Variants in CEP128 observed in about 807,000 individuals in gnomAD.
CEP128 encodes the protein centrosomal protein 128.
A neutral mutation model predicts 156.7 loss-of-function variants in CEP128; 132 were observed. The observed-to-expected ratio is 0.84, with a 90% CI of 0.73 to 0.97. The LOEUF is 0.97. CEP128 is among the 50% of genes least tolerant of loss of function. The probability of loss-of-function intolerance (pLI) is 0.00; values close to 1 mark genes in which losing one functional copy is unlikely to be tolerated. For missense variants in CEP128, 1,252 were observed against 1,281.9 expected (o/e 0.98, Z 0.36); for synonymous variants, 469 against 448.9 (o/e 1.04, Z -0.57).
intron 2 of CEP128, 34 bp from the exon 3 acceptor site, chr14:80,916,596 C>T: frequency 1.3e-6 from 2 of 1,517,546 alleles, no homozygotes; most frequent in Non-Finnish European, 1.8e-6. Context: ...GTTAATGAAA[C>T]AGTAAAAAGC....
chr14:80,714,166 T>C (rs1045806280), intron 19 of CEP128, among the ~76,000 whole-genome samples: 13 of 152,182 alleles, frequency 8.5e-5, no homozygotes, highest in African/African-American at 2.9e-4. Flanking sequence ...GACATCTAAT[T>C]GTATGATATT....
chr14:80,801,454 G>A (rs1454404389), intron 13 of CEP128, among the ~76,000 whole-genome samples: 1 of 78,254 alleles, frequency 1.3e-5, no homozygotes, highest in Non-Finnish European at 2.5e-5. Context: ...ATGAAGAGAT[G>A]CTGAATTTTA....
At chr14:80,885,937 G>T (rs1888775823) in intron 8 of CEP128, among the ~76,000 whole-genome samples, 1 of 152,042 alleles carries the variant, frequency 6.6e-6, no homozygotes, top group South Asian at 2.1e-4. Flanking sequence ...GAACATAAAT[G>T]ACCTGGTGGA....
chr14:80,587,527 T>C (rs1466418495), intron 19 of CEP128, among the ~76,000 whole-genome samples: 2 of 152,134 alleles, frequency 1.3e-5, no homozygotes, highest in East Asian at 3.9e-4. Flanking sequence ...CTTAGAGATT[T>C]AAAACCACTT....
intron 8 of CEP128, among the ~76,000 whole-genome samples, chr14:80,891,372 CA>C (rs1005871810): frequency 1.5e-4 from 23 of 150,206 alleles, no homozygotes; most frequent in African/African-American, 4.9e-4. Flanking sequence ...ACTATTCAGC[CA>C]AAAAAAAGAT....
At chr14:80,882,217 C>T (rs531721495) in intron 8 of CEP128, among the ~76,000 whole-genome samples, 29 of 151,852 alleles carry the variant, frequency 1.9e-4, no homozygotes, top group Non-Finnish European at 3.5e-4. Context: ...GATCAAACAA[C>T]TCTATCAGAA....
At chr14:80,835,027 G>A (rs905814455) in intron 12 of CEP128, among the ~76,000 whole-genome samples, 1 of 152,160 alleles carries the variant, frequency 6.6e-6, no homozygotes, top group Non-Finnish European at 1.5e-5. Context: ...TGTAGCAGGA[G>A]TGAGTTCTTG....
At chr14:80,561,917 T>TATATATATATATATA in intron 20 of CEP128, among the ~76,000 whole-genome samples, 1 of 148,190 alleles carries the variant, frequency 6.7e-6, no homozygotes, top group African/African-American at 2.5e-5. Flanking sequence ...TATATATTTG[T>TATATATATATATATA]TTTGTTTTGT....
At position 80,678,578 on chromosome 14, in the gene CEP128, G is replaced by A. The variant is rs181076561; in HGVS notation, c.2806+64497C>T. On this transcript the variant is annotated intron_variant, in intron 19 of 24. Coordinates refer to ENST00000555265, the MANE Select transcript of CEP128 (RefSeq NM_152446.5). ...CCTAAAGGATACCCCAGATCCAGGG[G>A]AGAAGAATGCAGACAAACAGCCCCT... Among the ~76,000 whole-genome samples, 66 of 152,310 alleles carry A rather than the reference G, an allele frequency of 4.3e-4. 1 individual carries two copies. Among genetic ancestry groups the A allele is most frequent in the African/African-American group, 1.4e-3 (60 of 41,554 alleles).
chr14:80,568,685 TC>T (rs1891017505), intron 20 of CEP128, among the ~76,000 whole-genome samples: 2 of 152,150 alleles, frequency 1.3e-5, no homozygotes. Flanking sequence ...ATTATTAATC[TC>T]CATTTCCCAA....
chr14:80,553,954 C>A (rs138080616), intron 21 of CEP128, among the ~76,000 whole-genome samples: 1 of 152,120 alleles, frequency 6.6e-6, no homozygotes, highest in Admixed American at 6.5e-5. Flanking sequence ...TAGAGGAGGA[C>A]GTCAGCATTT....
At chr14:80,581,301 T>C (rs1348961242) in intron 19 of CEP128, among the ~76,000 whole-genome samples, 1 of 152,194 alleles carries the variant, frequency 6.6e-6, no homozygotes, top group Non-Finnish European at 1.5e-5. Flanking sequence ...TACTCTCTCA[T>C]TGATATAGCT....
downstream of CEP128, among the ~76,000 whole-genome samples, chr14:80,486,218 G>A (rs887525345): frequency 7.9e-5 from 12 of 152,118 alleles, no homozygotes; most frequent in Non-Finnish European, 1.8e-4. Context: ...ACTAGGCGAA[G>A]AATGCAGAAG....
At chr14:80,564,329 T>G (rs1890821700) in intron 20 of CEP128, among the ~76,000 whole-genome samples, 1 of 152,230 alleles carries the variant, frequency 6.6e-6, no homozygotes, top group Non-Finnish European at 1.5e-5. Context: ...AATATTACAC[T>G]TTCTAAGTAA....
At chr14:80,799,667 G>A (rs1003514785) in intron 13 of CEP128, among the ~76,000 whole-genome samples, 2 of 152,048 alleles carry the variant, frequency 1.3e-5, no homozygotes, top group South Asian at 2.1e-4. Flanking sequence ...GTCTATAAAC[G>A]GCCGCTCTGG....
At chr14:80,627,523 TG>T (rs1165368152) in intron 19 of CEP128, among the ~76,000 whole-genome samples, 1 of 152,206 alleles carries the variant, frequency 6.6e-6, no homozygotes. Context: ...TAACATTTGG[TG>T]GCTAATTTCA....
At chr14:80,540,114 G>A (rs1461314687) in intron 21 of CEP128, among the ~76,000 whole-genome samples, 1 of 151,968 alleles carries the variant, frequency 6.6e-6, no homozygotes, top group Non-Finnish European at 1.5e-5. Flanking sequence ...TCAGAAGCAT[G>A]TGATCTTTGT....
chr14:80,580,939 C>T (rs1039537804), intron 19 of CEP128, among the ~76,000 whole-genome samples: 1 of 152,128 alleles, frequency 6.6e-6, no homozygotes, highest in Non-Finnish European at 1.5e-5. Context: ...AACACCACCT[C>T]ATCCATAAAG....
chr14:80,623,994 A>G (rs1237338387), intron 19 of CEP128, among the ~76,000 whole-genome samples: 1 of 152,140 alleles, frequency 6.6e-6, no homozygotes, highest in Admixed American at 6.5e-5. Flanking sequence ...AAACATATTC[A>G]CCTGACACTG....
Sources: allele counts gnomAD v4.1 joint callset (sites outside exome capture counted in the v4.1 genomes callset), GRCh38; gene constraint gnomAD v4.1.1; transcripts MANE v1.5; gene names NCBI Gene and HGNC (gene_info 2026-07-23, HGNC 2026-07-21).